Variants in LRIF1 observed in about 807,000 individuals in gnomAD.
The protein encoded by LRIF1 is ligand-dependent nuclear receptor-interacting factor 1.
A neutral mutation model predicts 52.7 loss-of-function variants in LRIF1; 32 were observed. That is an observed-to-expected ratio of 0.61 (90% confidence interval 0.46 to 0.82). The LOEUF is 0.82. Among genes scored for constraint, LRIF1 ranks in the 40% least tolerant of loss-of-function variants. The pLI, the probability that LRIF1 is intolerant of heterozygous loss-of-function variation, is 0.00. For synonymous variants in LRIF1, 323 were observed against 317.4 expected (o/e 1.02, Z -0.19); for missense variants, 887 against 892.0 (o/e 0.99, Z 0.07).
At position 110,952,681 on chromosome 1, in the gene LRIF1, A is replaced by C. The variant is rs1389883166; in HGVS notation, c.203T>G (p.Leu68Trp). Reference protein sequence around the residue: ...LVQSSVMSDALKGNTGKPVQV... With the variant: ...LVQSSVMSDAWKGNTGKPVQV... Reference sequence around the variant, plus strand: ...AACTGGTTTTCCTGTATTCCCTTTCAAAGCATCAGACATGACTGAAGATTG... The same window carrying C: ...AACTGGTTTTCCTGTATTCCCTTTCCAAGCATCAGACATGACTGAAGATTG... The change falls in exon 2 of 4, where the codon TTG (leucine) becomes TGG (tryptophan). Residue 68 changes from leucine to tryptophan, a missense_variant. By Grantham distance (61) the Leu-to-Trp change is moderately conservative (BLOSUM62 -2). Transcript: ENST00000369763. 1 of 1,614,128 alleles carries C rather than the reference A, an allele frequency of 6.2e-7. No individual in the cohort carries two copies. The highest frequency in any genetic ancestry group is 8.5e-7 in the Non-Finnish European group (1 of 1,179,992).
chr1:110,915,635 C>G, the LRIF1 span, among the ~76,000 whole-genome samples: 1 of 152,106 alleles, frequency 6.6e-6, no homozygotes, highest in African/African-American at 2.4e-5. Flanking sequence ...CAGTGACTAT[C>G]CATGGAGGAG....
rs758847416 is a variant in LRIF1 at position 110,948,327 on chromosome 1, T to G, written c.1942A>C (p.Asn648His). ...MDHIKKRKTE[N>H]AYNAIINGEA... Reference sequence around the variant, plus strand: ...CCATTTATGATTGCGTTATAAGCATTCTCTGTTTTTCTCTTCTTTATGTGA... The same window carrying G: ...CCATTTATGATTGCGTTATAAGCATGCTCTGTTTTTCTCTTCTTTATGTGA... Residue 648 changes from asparagine (N) to histidine (H), a missense_variant, in exon 4 of 4, where the codon AAT (asparagine) becomes CAT (histidine). Physicochemically the swap from Asn to His is moderately conservative, Grantham distance 68. Transcript: ENST00000369763. The G allele has an allele frequency of 6.2e-7, 1 of 1,614,090 alleles. No homozygotes were observed.
At chr1:110,905,756 T>C in the LRIF1 span, among the ~76,000 whole-genome samples, 4 of 152,090 alleles carry the variant, frequency 2.6e-5, no homozygotes, top group Non-Finnish European at 5.9e-5. Flanking sequence ...ACACTGTAAC[T>C]GTGGTGTATA....
rs955412724 is a variant in LRIF1 at position 110,948,236 on chromosome 1, T to C, written c.2033A>G (p.His678Arg). The change falls in exon 4 of 4, where the codon CAT (histidine) becomes CGT (arginine). Residue 678 changes from histidine (H) to arginine (R), a missense_variant. Coordinates refer to ENST00000369763, the MANE Select transcript of LRIF1 (RefSeq NM_018372.4). Reference sequence around the variant, plus strand: ...TTTGCTGTGACTCGTGAGAATGTTATGTTGTGACACATCTGAAGTTGGTAA... The same window carrying C: ...TTTGCTGTGACTCGTGAGAATGTTACGTTGTGACACATCTGAAGTTGGTAA... The part of the protein sequence containing the change: ...SILPTSDVSQ[H>R]NILTSHSKTR... 6 of 1,614,058 alleles carry C rather than the reference T, an allele frequency of 3.7e-6. No homozygotes were observed. Among genetic ancestry groups the C allele is most frequent in the African/African-American group, 1.3e-5 (1 of 74,936 alleles).
chr1:110,884,892 C>A, the LRIF1 span, among the ~76,000 whole-genome samples: 4 of 151,912 alleles, frequency 2.6e-5, no homozygotes, highest in Non-Finnish European at 5.9e-5. Context: ...TTTTTTCAAT[C>A]CATCTATTTA....
intron 1 of LRIF1, among the ~76,000 whole-genome samples, chr1:110,961,686 T>C (rs1419772807): frequency 2.6e-5 from 4 of 152,090 alleles, no homozygotes; most frequent in African/African-American, 9.7e-5. Context: ...GTCATTTAAG[T>C]TATAAAAATA....
chr1:110,930,911 T>C, the LRIF1 span, among the ~76,000 whole-genome samples: 1 of 152,180 alleles, frequency 6.6e-6, no homozygotes, highest in Non-Finnish European at 1.5e-5. Flanking sequence ...CCCAAGTTTC[T>C]TTCTGATAAT....
chr1:110,935,759 G>C, the LRIF1 span, among the ~76,000 whole-genome samples: 6 of 152,096 alleles, frequency 3.9e-5, no homozygotes, highest in Non-Finnish European at 8.8e-5. Flanking sequence ...GAGGTAGAGA[G>C]AGAGAGAACT....
In LRIF1 at chr1:110,950,101, G is replaced by A; in HGVS notation, c.1619C>T (p.Thr540Ile). ...TCTTCCTTGGGCACCTTTATCTGAT[G>A]TTGATGCCATCTCATTATGGATCTG... The part of the protein sequence containing the change: ...EPKIHNEMAS[T>I]SDKGAQGRND... The change falls in exon 3 of 4, where the codon ACA (threonine) becomes ATA (isoleucine). Residue 540 changes from threonine (T) to isoleucine (I), a missense_variant. Thr to Ile is a moderately conservative substitution (Grantham distance 89, BLOSUM62 -1). Transcript: ENST00000369763. The A allele has an allele frequency of 6.2e-7, 1 of 1,612,786 alleles. No individual in the cohort carries two copies. Among genetic ancestry groups the A allele is most frequent in the Non-Finnish European group, 8.5e-7 (1 of 1,179,412 alleles).
At chr1:110,884,484 T>G in the LRIF1 span, among the ~76,000 whole-genome samples, 1 of 152,126 alleles carries the variant, frequency 6.6e-6, no homozygotes, top group South Asian at 2.1e-4. Context: ...TTAGTTTAAG[T>G]TGACTGATGC....
the LRIF1 span, among the ~76,000 whole-genome samples, chr1:110,931,924 A>G: frequency 1.3e-5 from 2 of 152,052 alleles, no homozygotes; most frequent in Non-Finnish European, 2.9e-5. Context: ...ATTTTCTCCC[A>G]TTCTGTAGGT....
chr1:110,962,229 A>G (rs903713100), intron 1 of LRIF1, among the ~76,000 whole-genome samples: 1 of 152,156 alleles, frequency 6.6e-6, no homozygotes, highest in Admixed American at 6.5e-5. Flanking sequence ...AATCATTTAA[A>G]AAGTAATTCT....
At chr1:110,934,605 C>T in the LRIF1 span, among the ~76,000 whole-genome samples, 2 of 152,280 alleles carry the variant, frequency 1.3e-5, no homozygotes, top group East Asian at 1.9e-4. Flanking sequence ...GAGGCTCCTC[C>T]GCCTTTGGAA....
chr1:110,931,630 A>G, the LRIF1 span, among the ~76,000 whole-genome samples: 150,659 of 152,248 alleles, frequency 0.99, 74,561 homozygotes, highest in Middle Eastern at 1. Flanking sequence ...ATTTCTCCAC[A>G]TCCTCTCCAG....
chr1:110,896,551 T>G, the LRIF1 span: 1 of 1,054,374 alleles, frequency 9.5e-7, no homozygotes, highest in East Asian at 2.4e-5. Context: ...GGACTTCTGC[T>G]ATAGAGTCAG....
chr1:110,957,059 T>G (rs1319385773), intron 1 of LRIF1, among the ~76,000 whole-genome samples: 1 of 152,110 alleles, frequency 6.6e-6, no homozygotes, highest in Non-Finnish European at 1.5e-5. Flanking sequence ...TTCTCTTGAC[T>G]TTCCTAATGC....
At chr1:110,898,131 A>T in the LRIF1 span, among the ~76,000 whole-genome samples, 1 of 152,156 alleles carries the variant, frequency 6.6e-6, no homozygotes, top group Non-Finnish European at 1.5e-5. Context: ...TAATCCCAGC[A>T]CTTTGGGAGG....
chr1:110,937,668 A>AGATG, the LRIF1 span: 1 of 152,168 alleles, frequency 6.6e-6, no homozygotes, highest in Non-Finnish European at 1.5e-5. Context: ...ATCTTAAAGA[A>AGATG]CTAGAAAAGC....
the LRIF1 span, among the ~76,000 whole-genome samples, chr1:110,924,087 T>C: frequency 6.6e-6 from 1 of 152,062 alleles, no homozygotes; most frequent in South Asian, 2.1e-4. Context: ...GATATAAAAG[T>C]ATTGTGAATA....
Sources: gnomAD v4.1 joint callset for allele counts (sites outside exome capture counted in the v4.1 genomes callset) on GRCh38, gnomAD v4.1.1 for gene constraint, MANE v1.5 for transcripts, NCBI Gene and HGNC (gene_info 2026-07-23, HGNC 2026-07-21) for gene names.